Variants in ZBTB21 observed in about 807,000 individuals in gnomAD.
ZBTB21 encodes zinc finger and BTB domain containing 21.
ZBTB21 carries 10 observed loss-of-function variants against 39.8 expected under a neutral mutation model. The ratio of observed to expected loss-of-function variants is 0.25; its 90% CI spans 0.16 to 0.43. The LOEUF (loss-of-function observed/expected upper bound fraction) is 0.43. Among genes scored for constraint, ZBTB21 ranks in the 20% least tolerant of loss-of-function variants. The pLI, the probability that ZBTB21 is intolerant of heterozygous loss-of-function variation, is 1.00. For missense variants in ZBTB21, 1,221 were observed against 1,296.3 expected, an observed-to-expected ratio of 0.94 and a Z score of 0.89; for synonymous variants, 551 against 498.8, an observed-to-expected ratio of 1.10 and a Z score of -1.40.
At chr21:41,994,160 T>G (rs1035036948) in intron 2 of ZBTB21, 52 bp from the exon 3 acceptor site, 11 of 1,489,788 alleles carry the variant, frequency 7.4e-6, no homozygotes, top group Non-Finnish European at 9.9e-6. Context: ...AAAGTTCCCC[T>G]GGCTCCTCAA....
intron 2 of ZBTB21, among the ~76,000 whole-genome samples, chr21:41,999,901 T>C (rs909476562): frequency 9.2e-5 from 14 of 152,288 alleles, no homozygotes; most frequent in African/African-American, 1.2e-4. Flanking sequence ...TGGACAGCCA[T>C]TGAAGATTCT....
At chr21:42,009,810 G>A (rs1647309092) in intron 1 of ZBTB21, among the ~76,000 whole-genome samples, 1 of 152,006 alleles carries the variant, frequency 6.6e-6, no homozygotes, top group Non-Finnish European at 1.5e-5. Flanking sequence ...CACACCCCGC[G>A]GCCCGGGCCG....
In ZBTB21 at chr21:41,993,930, G is replaced by GA. The variant is rs780519651; in HGVS notation, c.165dup (p.Gln56SerfsTer7). ...TTTTCCTTATTTGTGAATAAACTCTGAAAGTATTCGCTGCTGGCAGCCAAG... is the reference window on the plus strand; with the variant it reads ...TTTTCCTTATTTGTGAATAAACTCTGAAAAGTATTCGCTGCTGGCAGCCAAG... On this transcript the variant is annotated frameshift_variant, in exon 3 of 3. Coordinates refer to ENST00000310826, the MANE Select transcript of ZBTB21 (RefSeq NM_001098402.2). LOFTEE classifies it low-confidence loss of function (END_TRUNC). The GA allele has an allele frequency of 1.2e-6, 2 of 1,614,222 alleles. No individual in the cohort carries two copies. Among genetic ancestry groups the GA allele is most frequent in the Non-Finnish European group, 8.5e-7 (1 of 1,180,048 alleles).
chr21:42,004,931 T>C (rs1476044740), intron 1 of ZBTB21, among the ~76,000 whole-genome samples: 1 of 152,250 alleles, frequency 6.6e-6, no homozygotes, highest in Non-Finnish European at 1.5e-5. Flanking sequence ...AGTTTCGGTC[T>C]TATCATCACT....
At chr21:41,997,406 T>G (rs947459935) in intron 2 of ZBTB21, among the ~76,000 whole-genome samples, 11 of 152,000 alleles carry the variant, frequency 7.2e-5, no homozygotes, top group Non-Finnish European at 1.0e-4. Context: ...TGAAATTCCA[T>G]CTCTACTAAA....
chr21:42,009,949 GAA>G (rs1313716088), intron 1 of ZBTB21, among the ~76,000 whole-genome samples: 3 of 152,236 alleles, frequency 2.0e-5, no homozygotes, highest in Non-Finnish European at 2.9e-5. Flanking sequence ...CGGCCAGGGT[GAA>G]GAGTGAAGCC....
rs143307999 is a variant in ZBTB21, at chr21:41,993,126, A to G, written c.970T>C (p.Ser324Pro). 4.3e-6 allele frequency: 7 copies of G among 1,614,118 alleles called. No individual in the cohort carries two copies. In the African/African-American group the frequency reaches 9.3e-5, roughly 22 times the overall value. The change falls in exon 3 of 3, where the codon TCT becomes CCT. Residue 324 changes from serine (S) to proline (P), a missense_variant. Transcript: ENST00000310826. ...CTCCTGTCAATGCTTTGGTTTCCAG[A>G]ACCAGATCCACTGGATGGGATCACT... ...GLVIPSSGSG[S>P]GNQSIDRSGP...
chr21:42,002,690 G>A (rs1270545257), intron 2 of ZBTB21: 4 of 152,120 alleles, frequency 2.6e-5, no homozygotes, highest in Admixed American at 6.5e-5. Flanking sequence ...TGCCACCACC[G>A]TCTACGCCCC....
In ZBTB21 at chr21:41,993,571, C is replaced by A; in HGVS notation, c.525G>T (p.Arg175=). The A allele has an allele frequency of 6.2e-7, 1 of 1,614,230 alleles. No individual in the cohort carries two copies. The highest frequency in any genetic ancestry group is 8.5e-7 in the Non-Finnish European group (1 of 1,180,046). The change falls in exon 3 of 3, where the codon CGG becomes CGT. Residue 175 remains arginine, a synonymous_variant. Transcript: ENST00000310826. ...QNQPDVSHTS[R]PSPSIAVKAN... is the part of the protein sequence containing the mutation. ...CCTTGACTGCAATGCTAGGAGAGGG[C>A]CGGGAAGTATGGCTTACATCGGGTT...
chr21:42,003,657 T>C (rs907689782), intron 1 of ZBTB21, among the ~76,000 whole-genome samples: 1 of 152,222 alleles, frequency 6.6e-6, no homozygotes, highest in African/African-American at 2.4e-5. Context: ...TTTTGGACTT[T>C]TGGATTAGGG....
rs940891126 is a variant in ZBTB21, at chr21:41,993,915, T to C, written c.181A>G (p.Asn61Asp). 8.1e-6 allele frequency: 13 copies of C among 1,614,074 alleles called. No homozygotes were observed. The highest frequency in any genetic ancestry group is 1.1e-5 in the South Asian group (1 of 91,068). Reference sequence around the variant, plus strand: ...ACAGTTTGTGACTCATTTTCCTTATTTGTGAATAAACTCTGAAAGTATTCG... The same window carrying C: ...ACAGTTTGTGACTCATTTTCCTTATCTGTGAATAAACTCTGAAAGTATTCG... ...SSEYFQSLFT[N>D]KENESQTVFQ... Residue 61 changes from asparagine to aspartate, a missense_variant, in exon 3 of 3, where the codon AAT (asparagine) becomes GAT (aspartate). Around this residue, in one of 4 missense-constraint regions of ZBTB21, gnomAD observed 108 missense variants for 155.0 expected, o/e 0.70. Transcript: ENST00000310826.
At chr21:42,008,540 C>CAAAAA (rs68176203) in intron 1 of ZBTB21, among the ~76,000 whole-genome samples, 2 of 60,310 alleles carry the variant, frequency 3.3e-5, no homozygotes, top group Non-Finnish European at 6.4e-5. Context: ...GAAACTCTGT[C>CAAAAA]AAAAAAAAAA....
chr21:42,004,918 C>CT (rs2065861312), intron 1 of ZBTB21, among the ~76,000 whole-genome samples: 2 of 152,220 alleles, frequency 1.3e-5, no homozygotes, highest in Admixed American at 1.3e-4. Context: ...GAAGTTGCCT[C>CT]TGAGTTTCGG....
Position 41,993,674 on chromosome 21 carries a change from T to G in ZBTB21, c.422A>C (p.Glu141Ala). The change falls in exon 3 of 3, where the codon GAA becomes GCA. Residue 141 changes from glutamate (E) to alanine (A), a missense_variant. This residue lies in a region of ZBTB21 where 500 missense variants were observed against 465.6 expected (regional missense o/e 1.07). Transcript: ENST00000310826. ...GACACTTCTCTTTTGAGAACTGTTT[T>G]CATCATCTTCTACAAACACTTTTTT... ...NRKKVFVEDD[E>A]NSSQKRSVIV... The G allele has an allele frequency of 6.2e-7, 1 of 1,614,254 alleles. No homozygotes were observed. The highest frequency in any genetic ancestry group is 8.5e-7 in the Non-Finnish European group (1 of 1,180,054).
rs200861261 is a variant in ZBTB21 at position 41,991,417 on chromosome 21, G to A, written c.2679C>T (p.Ala893=). ...GACCCGCTTCTTTGGGGGCTGTGCT[G>A]GCCTCGGGTGCCTCTTCTTCAGCCT... is the stretch of plus-strand genomic sequence containing the variant. ...VEEAEEEAPE[A]STAPKEAGPS... is the part of the protein sequence containing the mutation. The change falls in exon 3 of 3, where the codon GCC becomes GCT. Residue 893 remains alanine (A), a synonymous_variant. Transcript: ENST00000310826. The surrounding 1 kb of genome is among the most constrained non-coding windows in gnomAD (Gnocchi z 4.9). The A allele has an allele frequency of 5.9e-4, 953 of 1,611,880 alleles. 4 individuals are homozygous for A. The highest frequency in any genetic ancestry group is 2.5e-3 in the South Asian group (230 of 90,828).
At position 41,990,716 on chromosome 21, in the gene ZBTB21, AT is replaced by A; in HGVS notation, c.*178del. The A allele has an allele frequency of 1.9e-6, 1 of 523,236 alleles. No individual in the cohort carries two copies. The highest frequency in any genetic ancestry group is 3.4e-5 in the East Asian group (1 of 29,054). The allele number at this position is 523,236 out of a possible 1,614,324, so 32.4% of individuals were successfully genotyped here. On this transcript the variant is annotated 3_prime_UTR_variant, in exon 3 of 3. Transcript: ENST00000310826. ...AGAACCACAATATTTTAAAAGCTGT[AT>A]TTCTAAAGTTAAGGACATTACTAAG...
Position 41,987,024 on chromosome 21 carries a change from C to T in ZBTB21, c.*3871G>A, listed in dbSNP as rs1287200316. The T allele has an allele frequency of 2.0e-5, 3 of 152,610 alleles. No homozygotes were observed. The highest frequency in any genetic ancestry group is 7.2e-5 in the African/African-American group (3 of 41,440). The allele number at this position is 152,610 out of a possible 1,614,324, so 9.5% of individuals were successfully genotyped here. A position where few individuals can be genotyped will look rare whatever the true frequency, so the allele number is the denominator to read the frequency against. On this transcript the variant is annotated 3_prime_UTR_variant, in exon 3 of 3. Transcript: ENST00000310826. Reference sequence around the variant, plus strand: ...GGAAAAATGACTTACTCTGCTAAGGCATATGACAAAATACACAGAATTATA... The same window carrying T: ...GGAAAAATGACTTACTCTGCTAAGGTATATGACAAAATACACAGAATTATA...
chr21:42,002,956 T>C lies in ZBTB21; in HGVS notation c.-73A>G, dbSNP rs1042874835. ...GCCTTCCTGGATTGTTTCTACTTCATGTCTTCTGAAATTTCAAAATGAGAG... is the reference window on the plus strand; with the variant it reads ...GCCTTCCTGGATTGTTTCTACTTCACGTCTTCTGAAATTTCAAAATGAGAG... On this transcript the variant is annotated 5_prime_UTR_variant, in exon 2 of 3. It removes an upstream start codon present in the reference 5' UTR. Coordinates refer to ENST00000310826, the MANE Select transcript of ZBTB21 (RefSeq NM_001098402.2). 9 of 152,380 alleles carry C rather than the reference T, an allele frequency of 5.9e-5. No individual in the cohort carries two copies. Among genetic ancestry groups the C allele is most frequent in the African/African-American group, 1.9e-4 (8 of 41,594 alleles). The allele number at this position is 152,380 out of a possible 1,614,324, so 9.4% of individuals were successfully genotyped here.
At chr21:42,001,913 G>T (rs539339545) in intron 2 of ZBTB21, among the ~76,000 whole-genome samples, 4 of 152,326 alleles carry the variant, frequency 2.6e-5, no homozygotes, top group Admixed American at 6.5e-5. Flanking sequence ...TCAGCTGGCT[G>T]GGCTGCAGTA....
Sources: gnomAD v4.1 joint callset for allele counts (sites outside exome capture counted in the v4.1 genomes callset) on GRCh38, gnomAD v4.1.1 for gene constraint, gnomAD v4.1.1 regional missense constraint, Gnocchi (gnomAD v3.1) non-coding constraint, MANE v1.5 for transcripts, NCBI Gene and HGNC (gene_info 2026-07-23, HGNC 2026-07-21) for gene names.